PDE4B: variants seen among roughly 807,000 people sequenced by gnomAD.
The protein encoded by PDE4B is 3',5'-cyclic-AMP phosphodiesterase 4B.
In PDE4B, 20 loss-of-function variants were observed where a neutral mutation model predicts 82.2. The ratio of observed to expected loss-of-function variants is 0.24; its 90% confidence interval spans 0.17 to 0.35. PDE4B has a LOEUF of 0.35. Among genes scored for constraint, PDE4B ranks in the 10% least tolerant of loss-of-function variants. The probability of loss-of-function intolerance (pLI) is 1.00; values close to 1 mark genes in which losing one functional copy is unlikely to be tolerated. For missense variants in PDE4B, 655 were observed against 907.2 expected, an observed-to-expected ratio of 0.72 and a Z score of 3.57; for synonymous variants, 320 against 318.9, an observed-to-expected ratio of 1.00 and a Z score of -0.04.
chr1:66,104,014 A>T (rs1002529331), intron 3 of PDE4B, among the ~76,000 whole-genome samples: 2 of 151,766 alleles, frequency 1.3e-5, no homozygotes, highest in African/African-American at 4.8e-5. Context: ...TGTATACATG[A>T]GCCATGCTGG....
chr1:65,976,170 T>A (rs1650397894), intron 3 of PDE4B, among the ~76,000 whole-genome samples: 7 of 152,188 alleles, frequency 4.6e-5, no homozygotes, highest in Admixed American at 4.6e-4. Context: ...GCCCAAGGCC[T>A]TGGGAGCCCA....
At chr1:65,960,049 A>T (rs11208781) in intron 3 of PDE4B, among the ~76,000 whole-genome samples, 9,476 of 152,234 alleles carry the variant, frequency 0.062, 346 homozygotes, top group Middle Eastern at 0.18. Context: ...AACAAAATAC[A>T]AAATGCTTTG....
At chr1:66,242,007 G>A (rs1247725460) in intron 3 of PDE4B, among the ~76,000 whole-genome samples, 1 of 152,166 alleles carries the variant, frequency 6.6e-6, no homozygotes, top group Non-Finnish European at 1.5e-5. Flanking sequence ...TAGGCCCTGG[G>A]ACTACAAAAC....
chr1:66,091,661 A>G (rs1645027756), intron 3 of PDE4B, among the ~76,000 whole-genome samples: 1 of 152,084 alleles, frequency 6.6e-6, no homozygotes, highest in Non-Finnish European at 1.5e-5. Context: ...GAGGTCATTT[A>G]TTAAAATAGC....
intron 7 of PDE4B, among the ~76,000 whole-genome samples, chr1:66,328,420 T>C (rs1293604080): frequency 6.6e-6 from 1 of 152,214 alleles, no homozygotes; most frequent in Admixed American, 6.5e-5. Context: ...AGGGCCATCT[T>C]ATGTAAGACA....
At chr1:66,071,657 T>G (rs1656161327) in intron 3 of PDE4B, among the ~76,000 whole-genome samples, 1 of 152,044 alleles carries the variant, frequency 6.6e-6, no homozygotes, top group Admixed American at 6.6e-5. Flanking sequence ...GTCATCTTCT[T>G]TGGCATCCAG....
chr1:65,928,614 G>A (rs1417050141), intron 3 of PDE4B, among the ~76,000 whole-genome samples: 2 of 152,150 alleles, frequency 1.3e-5, no homozygotes, highest in Non-Finnish European at 2.9e-5. Context: ...AGCAATTACA[G>A]GGCTCTTCAA....
chr1:66,277,129 A>G (rs561860822), intron 7 of PDE4B, among the ~76,000 whole-genome samples: 1 of 152,292 alleles, frequency 6.6e-6, no homozygotes, highest in Non-Finnish European at 1.5e-5. Flanking sequence ...AACACTGAGT[A>G]GCTGGGGTAG....
chr1:65,936,378 C>T (rs1648139598), intron 3 of PDE4B, among the ~76,000 whole-genome samples: 2 of 152,144 alleles, frequency 1.3e-5, no homozygotes, highest in Non-Finnish European at 2.9e-5. Context: ...GTGAGTAATG[C>T]TACGACATTA....
At chr1:66,139,078 A>C (rs1489456092) in intron 3 of PDE4B, among the ~76,000 whole-genome samples, 1 of 152,314 alleles carries the variant, frequency 6.6e-6, no homozygotes, top group Admixed American at 6.5e-5. Flanking sequence ...TTTGTTTTCT[A>C]TTGTTGATGT....
chr1:66,295,298 C>T (rs948996256), intron 7 of PDE4B, among the ~76,000 whole-genome samples: 9 of 152,090 alleles, frequency 5.9e-5, no homozygotes, highest in African/African-American at 1.9e-4. Flanking sequence ...TCATGACTCA[C>T]AATAAAACAT....
chr1:65,945,421 C>G (rs1179049063), intron 3 of PDE4B, among the ~76,000 whole-genome samples: 1 of 151,876 alleles, frequency 6.6e-6, no homozygotes, highest in Non-Finnish European at 1.5e-5. Flanking sequence ...CTGGCTGAGA[C>G]ACTGTAGGCA....
Position 66,372,817 on chromosome 1 carries a change from G to A in PDE4B, c.*139G>A. The A allele has an allele frequency of 1.3e-6, 1 of 793,522 alleles. No individual in the cohort carries two copies. The highest frequency in any genetic ancestry group is 2.0e-6 in the Non-Finnish European group (1 of 509,044). 49.2% of individuals were successfully genotyped at this position (793,522 alleles called of 1,614,324 possible). A position where few individuals can be genotyped will look rare whatever the true frequency, so the allele number is the denominator to read the frequency against. On this transcript the variant is annotated 3_prime_UTR_variant, in exon 17 of 17. Coordinates refer to ENST00000341517, the MANE Select transcript of PDE4B (RefSeq NM_002600.4). ...TTTCAGTTACTTGAGTTTGGAGTCA[G>A]AAAGCAAGACCAGGAAGCAAATAGC... is the stretch of plus-strand genomic sequence containing the variant.
chr1:66,353,065 G>C (rs1216397776), intron 8 of PDE4B, among the ~76,000 whole-genome samples: 1 of 152,196 alleles, frequency 6.6e-6, no homozygotes, highest in East Asian at 1.9e-4. Flanking sequence ...TGAGTCTTCA[G>C]CCTAGGTGCC....
At chr1:66,159,620 A>G (rs914752266) in intron 3 of PDE4B, among the ~76,000 whole-genome samples, 11 of 152,184 alleles carry the variant, frequency 7.2e-5, no homozygotes, top group African/African-American at 2.2e-4. Context: ...AAAGTGCTAT[A>G]GATAATAGGA....
chr1:66,212,717 G>A (rs1302299210), intron 3 of PDE4B, among the ~76,000 whole-genome samples: 2 of 152,056 alleles, frequency 1.3e-5, no homozygotes, highest in African/African-American at 4.8e-5. Context: ...AACATTCAAT[G>A]AACTGACCCT....
chr1:66,010,634 C>T (rs1652432256), intron 3 of PDE4B, among the ~76,000 whole-genome samples: 1 of 151,214 alleles, frequency 6.6e-6, no homozygotes, highest in South Asian at 2.1e-4. Flanking sequence ...TGTGATCTGT[C>T]TTATTCCTCT....
intron 1 of PDE4B, among the ~76,000 whole-genome samples, chr1:65,827,773 G>A (rs559066539): frequency 1.3e-5 from 2 of 152,092 alleles, no homozygotes; most frequent in Admixed American, 6.5e-5. Flanking sequence ...TTGGTAAAAC[G>A]ACACCAAATT....
intron 1 of PDE4B, among the ~76,000 whole-genome samples, chr1:65,868,066 C>G (rs930665783): frequency 6.6e-6 from 1 of 152,176 alleles, no homozygotes; most frequent in African/African-American, 2.4e-5. Context: ...CTATCCTTTT[C>G]TTAGTTCTCA....
Sources: gnomAD v4.1 joint callset for allele counts (sites outside exome capture counted in the v4.1 genomes callset) on GRCh38, gnomAD v4.1.1 for gene constraint, MANE v1.5 for transcripts, NCBI Gene and HGNC (gene_info 2026-07-23, HGNC 2026-07-21) for gene names.